Variants in PDE4D observed in about 807,000 individuals in gnomAD.
PDE4D encodes the protein phosphodiesterase 4D.
A neutral mutation model predicts 87.4 loss-of-function variants in PDE4D; 24 were observed. That is an observed-to-expected ratio of 0.27 (90% CI 0.20 to 0.39). The LOEUF is 0.39. PDE4D is among the 10% of genes least tolerant of loss of function. The probability of loss-of-function intolerance (pLI) is 1.00; values close to 1 mark genes in which losing one functional copy is unlikely to be tolerated. For missense variants in PDE4D, 714 were observed against 1,041.0 expected, an observed-to-expected ratio of 0.69 and a Z score of 4.32; for synonymous variants, 384 against 383.2, an observed-to-expected ratio of 1.00 and a Z score of -0.02.
intron 1 of PDE4D, among the ~76,000 whole-genome samples, chr5:59,798,395 A>G (rs1766749089): frequency 1.3e-5 from 2 of 152,104 alleles, no homozygotes; most frequent in South Asian, 2.1e-4. Context: ...AACCAAAAAT[A>G]TCTTCTATCA....
At chr5:60,156,405 G>A (rs1476164650) in intron 2 of PDE4D, among the ~76,000 whole-genome samples, 2 of 152,098 alleles carry the variant, frequency 1.3e-5, no homozygotes, top group Admixed American at 1.3e-4. Flanking sequence ...CCTAGAGTGA[G>A]CTTTCCTCCA....
intron 2 of PDE4D, among the ~76,000 whole-genome samples, chr5:60,115,679 C>A (rs1297075324): frequency 2.6e-5 from 4 of 151,996 alleles, no homozygotes; most frequent in African/African-American, 4.8e-5. Context: ...AAATTCACGA[C>A]TCTTTGTGTA....
rs199792727 is a variant in PDE4D at position 58,975,103 on chromosome 5, A to G, written c.2014-23T>C. On this transcript the variant is annotated intron_variant, in intron 14 of 14. Transcript: ENST00000340635. This position sits in a 1 kb window ranked among gnomAD's most constrained non-coding sequence, Gnocchi z 4.2. Reference sequence around the variant, plus strand: ...CACCTAGTTAAGAAAAAAATCCAGTATGAGTAGAGGACTTGGGACTAAGAA... The same window carrying G: ...CACCTAGTTAAGAAAAAAATCCAGTGTGAGTAGAGGACTTGGGACTAAGAA... 2.1e-6 allele frequency: 3 copies of G among 1,422,174 alleles called. No individual in the cohort carries two copies. The highest frequency in any genetic ancestry group is 2.8e-6 in the Non-Finnish European group (3 of 1,069,888). The allele number at this position is 1,422,174 out of a possible 1,614,324, so 88.1% of individuals were successfully genotyped here. A position where few individuals can be genotyped will look rare whatever the true frequency, so the allele number is the denominator to read the frequency against.
chr5:60,492,650 C>T (rs1749592275), upstream of PDE4D, among the ~76,000 whole-genome samples: 1 of 152,030 alleles, frequency 6.6e-6, no homozygotes, highest in East Asian at 1.9e-4. Flanking sequence ...GGACAGAAAA[C>T]CAAACACCGC....
chr5:59,882,920 G>A (rs1749661223), intron 1 of PDE4D, among the ~76,000 whole-genome samples: 1 of 152,112 alleles, frequency 6.6e-6, no homozygotes, highest in South Asian at 2.1e-4. Context: ...TGGGATTACA[G>A]GCACGTGTCA....
chr5:59,344,786 G>A (rs985983903), intron 1 of PDE4D, among the ~76,000 whole-genome samples: 1 of 152,092 alleles, frequency 6.6e-6, no homozygotes, highest in South Asian at 2.1e-4. Flanking sequence ...CTTAGAATAC[G>A]TTTGATATTG....
intron 2 of PDE4D, among the ~76,000 whole-genome samples, chr5:59,209,215 T>C (rs575154883): frequency 6.6e-6 from 1 of 152,266 alleles, no homozygotes; most frequent in East Asian, 1.9e-4. Context: ...AGGCAGGGTC[T>C]CACTCTGTCA....
chr5:59,684,395 C>G (rs1749519470), intron 1 of PDE4D, among the ~76,000 whole-genome samples: 1 of 152,070 alleles, frequency 6.6e-6, no homozygotes, highest in South Asian at 2.1e-4. Context: ...GCTCTCGATA[C>G]CATTTTTTTG....
chr5:59,772,508 G>C (rs1763679182), intron 1 of PDE4D, among the ~76,000 whole-genome samples: 2 of 152,084 alleles, frequency 1.3e-5, no homozygotes, highest in African/African-American at 4.8e-5. Flanking sequence ...AGATTATTTG[G>C]AATCCTTGAA....
chr5:59,010,710 C>T (rs1752612709), intron 6 of PDE4D, among the ~76,000 whole-genome samples: 2 of 152,092 alleles, frequency 1.3e-5, no homozygotes, highest in South Asian at 4.1e-4. Context: ...CAAATAGGAA[C>T]AGCTCCAGTC....
chr5:60,334,668 C>A (rs1404796472), intron 1 of PDE4D, among the ~76,000 whole-genome samples: 1 of 151,970 alleles, frequency 6.6e-6, no homozygotes, highest in African/African-American at 2.4e-5. Flanking sequence ...ACTCAAGCCA[C>A]TGCCCCCGAG....
At chr5:60,261,405 A>C (rs979595100) in intron 1 of PDE4D, among the ~76,000 whole-genome samples, 6 of 152,138 alleles carry the variant, frequency 3.9e-5, no homozygotes, top group African/African-American at 1.4e-4. Flanking sequence ...CTCTTTTTGT[A>C]ATCTGCAACT....
intron 2 of PDE4D, among the ~76,000 whole-genome samples, chr5:59,214,032 T>TCACACACACACACA (rs199738839): frequency 6.0e-5 from 8 of 132,668 alleles, no homozygotes; most frequent in African/African-American, 2.3e-4. Context: ...CATACATACT[T>TCACACACACACACA]CACACACACA....
intron 2 of PDE4D, among the ~76,000 whole-genome samples, chr5:60,143,636 T>TGC (rs1230207532): frequency 9.0e-5 from 13 of 143,786 alleles, no homozygotes; most frequent in Non-Finnish European, 1.7e-4. Flanking sequence ...TGTGTGTGTG[T>TGC]GTGTGTGTGT....
intron 1 of PDE4D, among the ~76,000 whole-genome samples, chr5:60,252,610 C>T (rs80228146): frequency 0.013 from 1,962 of 151,568 alleles, 60 homozygotes; most frequent in East Asian, 0.12. Context: ...GATAATGAGA[C>T]GGATAGAAAT....
At chr5:60,005,889 T>G (rs1764427138) in intron 2 of PDE4D, among the ~76,000 whole-genome samples, 4 of 151,796 alleles carry the variant, frequency 2.6e-5, no homozygotes, top group Admixed American at 2.6e-4. Flanking sequence ...TAAAAGAGAA[T>G]TCAGACACAT....
chr5:59,480,059 C>T (rs1329790985), intron 1 of PDE4D, among the ~76,000 whole-genome samples: 1 of 151,844 alleles, frequency 6.6e-6, no homozygotes, highest in Non-Finnish European at 1.5e-5. Flanking sequence ...TCCCAACTTA[C>T]AGGAGACATT....
At chr5:59,331,887 T>C (rs1401444471) in intron 1 of PDE4D, among the ~76,000 whole-genome samples, 1 of 152,226 alleles carries the variant, frequency 6.6e-6, no homozygotes, top group African/African-American at 2.4e-5. Context: ...AATCAAATGC[T>C]AGCTTACTTT....
At chr5:59,825,483 A>G (rs533281793) in intron 1 of PDE4D, among the ~76,000 whole-genome samples, 32 of 152,254 alleles carry the variant, frequency 2.1e-4, no homozygotes, top group Middle Eastern at 3.4e-3. Flanking sequence ...CAGTTTTGAA[A>G]GACTAGTTGG....
Sources: allele counts gnomAD v4.1 joint callset (sites outside exome capture counted in the v4.1 genomes callset), GRCh38; gene constraint gnomAD v4.1.1; non-coding constraint Gnocchi (gnomAD v3.1); transcripts MANE v1.5; gene names NCBI Gene and HGNC (gene_info 2026-07-23, HGNC 2026-07-21).